Variants in TMPRSS15 observed in about 807,000 individuals in gnomAD.
TMPRSS15 encodes the protein transmembrane serine protease 15, also known as enteropeptidase.
A neutral mutation model predicts 125.3 loss-of-function variants in TMPRSS15; 128 were observed. That is an observed-to-expected ratio of 1.02 (90% confidence interval 0.89 to 1.18). TMPRSS15 has a LOEUF of 1.18. Among genes scored for constraint, TMPRSS15 ranks in the 50% most tolerant of loss-of-function variants. The pLI is 0.00. For synonymous variants in TMPRSS15, 446 were observed against 423.2 expected (o/e 1.05, Z -0.66); for missense variants, 1,283 against 1,212.7 (o/e 1.06, Z -0.86).
chr21:18,319,676 G>A (rs1056600883), intron 16 of TMPRSS15, among the ~76,000 whole-genome samples: 1 of 152,108 alleles, frequency 6.6e-6, no homozygotes, highest in African/African-American at 2.4e-5. Context: ...TGATCTGGCC[G>A]CCTCGGCCTC....
At chr21:18,401,488 A>G (rs1383840328) in intron 1 of TMPRSS15, among the ~76,000 whole-genome samples, 1 of 152,164 alleles carries the variant, frequency 6.6e-6, no homozygotes, top group African/African-American at 2.4e-5. Context: ...AACAGAAAAA[A>G]CAAATACCAC....
rs1045117390 is a variant in TMPRSS15 at position 18,269,353 on chromosome 21, T to G, written c.*616A>C. 2 of 152,166 alleles carry G rather than the reference T, an allele frequency of 1.3e-5. No individual in the cohort carries two copies. Among genetic ancestry groups the G allele is most frequent in the African/African-American group, 2.4e-5 (1 of 41,456 alleles). The allele number at this position is 152,166 out of a possible 1,614,324, so 9.4% of individuals were successfully genotyped here. ...AATGACTATATCAGTTAATTTATCT[T>G]TTATTTAATTAACTTATTTAAGAGG... On this transcript the variant is annotated 3_prime_UTR_variant, in exon 25 of 25. Coordinates refer to ENST00000284885, the MANE Select transcript of TMPRSS15 (RefSeq NM_002772.3).
In TMPRSS15 at chr21:18,343,967, C is replaced by T; in HGVS notation, c.1265G>A (p.Cys422Tyr). ...GTCTACAACATACCAGAAACTAAGGCAAGCTGGCTCCAAAGTGGGGTCCAA... is the reference window on the plus strand; with the variant it reads ...GTCTACAACATACCAGAAACTAAGGTAAGCTGGCTCCAAAGTGGGGTCCAA... Reference protein sequence around the residue: ...LPLDPTLEPACLSFWYHMYGE... With the variant: ...LPLDPTLEPAYLSFWYHMYGE... The change falls in exon 11 of 25, where the codon TGC becomes TAC. Residue 422 changes from cysteine (C) to tyrosine (Y), a missense_variant. Physicochemically the swap from Cys to Tyr is radical, Grantham distance 194 (BLOSUM62 -2). Coordinates refer to ENST00000284885, the MANE Select transcript of TMPRSS15 (RefSeq NM_002772.3). 1 of 1,614,036 alleles carries T rather than the reference C, an allele frequency of 6.2e-7. No homozygotes were observed. Among genetic ancestry groups the T allele is most frequent in the Non-Finnish European group, 8.5e-7 (1 of 1,179,972 alleles).
intron 1 of TMPRSS15, among the ~76,000 whole-genome samples, chr21:18,400,388 A>G (rs992770114): frequency 6.6e-6 from 1 of 152,180 alleles, no homozygotes; most frequent in Non-Finnish European, 1.5e-5. Flanking sequence ...ACATAGTCCA[A>G]TGAAACAGAA....
rs762798722 is a variant in TMPRSS15, at chr21:18,379,313, G to T, written c.502C>A (p.Leu168Ile). 4.6e-6 allele frequency: 6 copies of T among 1,317,714 alleles called. No homozygotes were observed. The South Asian group carries it at 1.3e-4, about 29-fold the overall frequency. 81.6% of individuals were successfully genotyped at this position (1,317,714 alleles called of 1,614,324 possible). A position where few individuals can be genotyped will look rare whatever the true frequency, so the allele number is the denominator to read the frequency against. Residue 168 changes from leucine (L) to isoleucine (I), a missense_variant, in exon 5 of 25, where the codon CTA (leucine) becomes ATA (isoleucine). Leu to Ile is a conservative substitution (Grantham distance 5). Transcript: ENST00000284885. The stretch of plus-strand genomic sequence containing the variant: ...GTTGCCAGATGACTGGTGGTTGTTA[G>T]CTTGTCTGAAAAATAAATTATATTA... Reference protein sequence around the residue: ...DLNSVDILDKLTTTSHLATPG... With the variant: ...DLNSVDILDKITTTSHLATPG...
At chr21:18,321,478 C>G (rs1462642790) in intron 16 of TMPRSS15, among the ~76,000 whole-genome samples, 2 of 151,188 alleles carry the variant, frequency 1.3e-5, no homozygotes, top group Non-Finnish European at 2.9e-5. Flanking sequence ...TCAGCCTTCC[C>G]AGTAGCTGGG....
intron 1 of TMPRSS15, among the ~76,000 whole-genome samples, chr21:18,471,759 G>C (rs1428129989): frequency 1.3e-5 from 2 of 152,104 alleles, no homozygotes; most frequent in Non-Finnish European, 2.9e-5. Flanking sequence ...GCAAAAAGTT[G>C]TCTGCTCCTG....
intron 1 of TMPRSS15, among the ~76,000 whole-genome samples, chr21:18,453,735 G>A (rs879360195): frequency 1.3e-5 from 2 of 152,168 alleles, no homozygotes; most frequent in South Asian, 2.1e-4. Flanking sequence ...CAATGGCTAA[G>A]ATATGGAAAC....
At chr21:18,380,252 A>T (rs922729953) in intron 4 of TMPRSS15, among the ~76,000 whole-genome samples, 1 of 151,632 alleles carries the variant, frequency 6.6e-6, no homozygotes, top group African/African-American at 2.4e-5. Flanking sequence ...TATCTCTCAT[A>T]TGTAACACAC....
rs191386391 is a variant in TMPRSS15, at chr21:18,355,386, A to T, written c.881-1523T>A. Among the ~76,000 whole-genome samples, 3 of 151,974 alleles carry T rather than the reference A, an allele frequency of 2.0e-5. No homozygotes were observed. The East Asian group carries it at 5.8e-4, about 29-fold the overall frequency. ...CTAATAGAACTGTGCTAGTCTAAAA[A>T]GTCCAGGAGCTTACCTTGAATTCCA... On this transcript the variant is annotated intron_variant, in intron 8 of 24. Coordinates refer to ENST00000284885, the MANE Select transcript of TMPRSS15 (RefSeq NM_002772.3).
At chr21:18,352,488 T>C (rs969872369) in intron 10 of TMPRSS15, among the ~76,000 whole-genome samples, 10 of 152,188 alleles carry the variant, frequency 6.6e-5, no homozygotes, top group African/African-American at 2.4e-4. Flanking sequence ...CTGTTGGGTC[T>C]AAGATCAATA....
intron 1 of TMPRSS15, among the ~76,000 whole-genome samples, chr21:18,466,654 GA>G (rs1318984756): frequency 1.3e-5 from 2 of 152,188 alleles, no homozygotes; most frequent in East Asian, 3.9e-4. Flanking sequence ...ACAAACATAT[GA>G]AAAAAAGCTC....
chr21:18,366,170 T>A (rs1294616312), intron 6 of TMPRSS15, among the ~76,000 whole-genome samples: 1 of 152,222 alleles, frequency 6.6e-6, no homozygotes, highest in Non-Finnish European at 1.5e-5. Flanking sequence ...TTGTCTTATT[T>A]TTATAATTAA....
At chr21:18,345,003 A>G (rs1480297709) in intron 10 of TMPRSS15, among the ~76,000 whole-genome samples, 1 of 152,186 alleles carries the variant, frequency 6.6e-6, no homozygotes, top group African/African-American at 2.4e-5. Context: ...AAACTCATTC[A>G]TTTATGAGAT....
rs113457073 is a variant in TMPRSS15, at chr21:18,269,892, C to G, written c.*77G>C. 4 of 1,561,862 alleles carry G rather than the reference C, an allele frequency of 2.6e-6. No individual in the cohort carries two copies. The highest frequency in any genetic ancestry group is 3.5e-6 in the Non-Finnish European group (4 of 1,147,154). ...TTGGTAACTTTTTAAAATTTTTGTA[C>G]GAAACACTTAATTTCCATGCTTTCT... On this transcript the variant is annotated 3_prime_UTR_variant, in exon 25 of 25. Transcript: ENST00000284885.
At chr21:18,340,598 T>G (rs888191410) in intron 13 of TMPRSS15, among the ~76,000 whole-genome samples, 1 of 152,148 alleles carries the variant, frequency 6.6e-6, no homozygotes, top group Non-Finnish European at 1.5e-5. Flanking sequence ...CCGCCACTAT[T>G]TAGGACAAAA....
intron 1 of TMPRSS15, among the ~76,000 whole-genome samples, chr21:18,423,177 T>G (rs1167521843): frequency 6.6e-6 from 1 of 152,032 alleles, no homozygotes; most frequent in African/African-American, 2.4e-5. Context: ...CCTCTGAGGT[T>G]TTGCTTTGGA....
intron 1 of TMPRSS15, among the ~76,000 whole-genome samples, chr21:18,472,130 G>A (rs957215431): frequency 1.3e-5 from 2 of 151,906 alleles, no homozygotes; most frequent in African/African-American, 4.8e-5. Context: ...GAAAGTTTAG[G>A]TTATATAAAC....
At chr21:18,305,207 GAGA>G (rs2075020547) in intron 18 of TMPRSS15, among the ~76,000 whole-genome samples, 1 of 7,142 alleles carries the variant, frequency 1.4e-4, no homozygotes, top group Admixed American at 1.3e-3. Flanking sequence ...TTTTTTTTTT[GAGA>G]CGGAGTCTCC....
Sources: allele counts gnomAD v4.1 joint callset (sites outside exome capture counted in the v4.1 genomes callset), GRCh38; gene constraint gnomAD v4.1.1; transcripts MANE v1.5; gene names NCBI Gene and HGNC (gene_info 2026-07-23, HGNC 2026-07-21).